Variants in LHFPL2 observed in about 807,000 individuals in gnomAD.
LHFPL2 encodes LHFPL tetraspan subfamily member 2 protein.
In LHFPL2, 7 loss-of-function variants were observed where a neutral mutation model predicts 17.5. The ratio of observed to expected loss-of-function variants is 0.40; its 90% CI spans 0.23 to 0.75. LHFPL2 has a LOEUF of 0.75. Among genes scored for constraint, LHFPL2 ranks in the 30% least tolerant of loss-of-function variants. The probability of loss-of-function intolerance (pLI) is 0.37; values close to 1 mark genes in which losing one functional copy is unlikely to be tolerated. For missense variants in LHFPL2, 241 were observed against 294.8 expected, an observed-to-expected ratio of 0.82 and a Z score of 1.34; for synonymous variants, 134 against 116.2, an observed-to-expected ratio of 1.15 and a Z score of -0.99.
At chr5:78,620,645 G>A (rs1479266689) in intron 2 of LHFPL2, among the ~76,000 whole-genome samples, 1 of 152,156 alleles carries the variant, frequency 6.6e-6, no homozygotes, top group Non-Finnish European at 1.5e-5. Context: ...AGGTTCTACT[G>A]GCATCTAGTC....
chr5:78,551,919 C>G (rs1340561353), intron 3 of LHFPL2, among the ~76,000 whole-genome samples: 4 of 152,176 alleles, frequency 2.6e-5, no homozygotes, highest in Non-Finnish European at 4.4e-5. Flanking sequence ...GGAATCTAGA[C>G]AGGCTAGGTT....
intron 4 of LHFPL2, among the ~76,000 whole-genome samples, chr5:78,490,766 C>CAAAAAAT (rs1754416535): frequency 1.1e-5 from 1 of 92,762 alleles, no homozygotes; most frequent in African/African-American, 4.1e-5. Context: ...AAAAAAAAAG[C>CAAAAAAT]AAGATACTGC....
In LHFPL2 at chr5:78,514,182, C is replaced by T. The variant is rs368852346; in HGVS notation, c.-185-3784G>A. On this transcript the variant is annotated intron_variant, in intron 3 of 4. Coordinates refer to ENST00000380345, the MANE Select transcript of LHFPL2 (RefSeq NM_005779.3). ...CAAAGCCCATTTCATAAACTAGGCC[C>T]TCGCTGCCATTCTACCTAAAAGACT... Among the ~76,000 whole-genome samples, 570 of 151,566 alleles carry T rather than the reference C, an allele frequency of 3.8e-3. 6 individuals are homozygous for T. Among genetic ancestry groups the T allele is most frequent in the African/African-American group, 0.013 (547 of 41,114 alleles).
At chr5:78,619,434 C>T (rs1480293164) in intron 2 of LHFPL2, among the ~76,000 whole-genome samples, 1 of 151,870 alleles carries the variant, frequency 6.6e-6, no homozygotes, top group Non-Finnish European at 1.5e-5. Context: ...TCATCTCCAA[C>T]TCATCCTTTA....
chr5:78,536,792 T>C (rs1755961797), intron 3 of LHFPL2, among the ~76,000 whole-genome samples: 1 of 152,230 alleles, frequency 6.6e-6, no homozygotes, highest in African/African-American at 2.4e-5. Context: ...TGTCCTTATA[T>C]AAGTGCCACC....
intron 3 of LHFPL2, among the ~76,000 whole-genome samples, chr5:78,523,969 G>A (rs1011054543): frequency 7.2e-5 from 11 of 152,096 alleles, no homozygotes; most frequent in East Asian, 5.8e-4. Context: ...GAAACGAGCC[G>A]GACAATGCAC....
intron 3 of LHFPL2, among the ~76,000 whole-genome samples, chr5:78,532,977 G>A (rs1456990289): frequency 7.9e-5 from 12 of 152,190 alleles, no homozygotes; most frequent in Admixed American, 2.6e-4. Flanking sequence ...CAACCCTGTC[G>A]TGCTGCAGAC....
intron 4 of LHFPL2, among the ~76,000 whole-genome samples, chr5:78,502,598 G>A (rs937343749): frequency 6.6e-6 from 1 of 152,202 alleles, no homozygotes; most frequent in African/African-American, 2.4e-5. Flanking sequence ...ACGAAAGACA[G>A]AGCTCCTGCT....
intron 2 of LHFPL2, among the ~76,000 whole-genome samples, chr5:78,618,139 T>G (rs1222318211): frequency 1.3e-5 from 2 of 151,906 alleles, no homozygotes; most frequent in Non-Finnish European, 2.9e-5. Flanking sequence ...AGGCAGAGGT[T>G]GCAGTGAGCC....
intron 2 of LHFPL2, among the ~76,000 whole-genome samples, chr5:78,572,494 G>GTGTATATATA (rs1561344860): frequency 2.1e-5 from 3 of 140,556 alleles, no homozygotes; most frequent in Admixed American, 6.9e-5. Context: ...GTATATATAT[G>GTGTATATATA]TGTGTATATA....
intron 2 of LHFPL2, among the ~76,000 whole-genome samples, chr5:78,591,382 C>T (rs141845272): frequency 2.6e-5 from 4 of 152,300 alleles, no homozygotes; most frequent in Non-Finnish European, 5.9e-5. Context: ...ACATTTTCCT[C>T]ATCAAATTAA....
At chr5:78,574,617 G>T (rs1156425756) in intron 2 of LHFPL2, among the ~76,000 whole-genome samples, 3 of 152,206 alleles carry the variant, frequency 2.0e-5, no homozygotes, top group Non-Finnish European at 2.9e-5. Context: ...AGGGAAAACG[G>T]TTTTAACCAA....
chr5:78,509,120 A>G (rs1427681192), intron 4 of LHFPL2, among the ~76,000 whole-genome samples: 1 of 152,238 alleles, frequency 6.6e-6, no homozygotes, highest in Non-Finnish European at 1.5e-5. Flanking sequence ...CCCATTTCTA[A>G]TAAGCTCGTT....
intron 2 of LHFPL2, among the ~76,000 whole-genome samples, chr5:78,574,530 G>C (rs966932863): frequency 6.6e-6 from 1 of 152,244 alleles, no homozygotes; most frequent in Non-Finnish European, 1.5e-5. Flanking sequence ...ATTGGCTGCA[G>C]ATTCTTGAAC....
At chr5:78,515,903 C>A (rs556176493) in intron 3 of LHFPL2, among the ~76,000 whole-genome samples, 2 of 152,316 alleles carry the variant, frequency 1.3e-5, no homozygotes, top group South Asian at 4.1e-4. Flanking sequence ...CCACCTGTCC[C>A]CTGCACAGCT....
intron 2 of LHFPL2, among the ~76,000 whole-genome samples, chr5:78,581,966 G>T (rs558989213): frequency 6.6e-6 from 1 of 152,190 alleles, no homozygotes; most frequent in Non-Finnish European, 1.5e-5. Context: ...CACAATTTCA[G>T]ATCCTGTTAT....
chr5:78,584,995 G>T (rs13182961), intron 2 of LHFPL2, among the ~76,000 whole-genome samples: 5,849 of 38,794 alleles, frequency 0.15, 761 homozygotes, highest in African/African-American at 0.24. Flanking sequence ...GGTGCGCTGT[G>T]TTTTTTTTTT....
At chr5:78,575,322 G>A (rs921838556) in intron 2 of LHFPL2, among the ~76,000 whole-genome samples, 4 of 152,190 alleles carry the variant, frequency 2.6e-5, no homozygotes, top group African/African-American at 4.8e-5. Flanking sequence ...GCCGAGGTGC[G>A]TGGATCACAA....
chr5:78,607,314 T>C (rs1386987304), intron 2 of LHFPL2, among the ~76,000 whole-genome samples: 2 of 151,880 alleles, frequency 1.3e-5, no homozygotes, highest in Non-Finnish European at 2.9e-5. Flanking sequence ...GGTTTCACCA[T>C]GTTGGCCAGG....
Sources: gnomAD v4.1 joint callset for allele counts (sites outside exome capture counted in the v4.1 genomes callset) on GRCh38, gnomAD v4.1.1 for gene constraint, MANE v1.5 for transcripts, NCBI Gene and HGNC (gene_info 2026-07-23, HGNC 2026-07-21) for gene names.